TICAM1: variants seen among roughly 807,000 people sequenced by gnomAD.
The protein encoded by TICAM1 is TIR domain containing adaptor molecule 1.
For synonymous variants in TICAM1, 439 were observed against 415.4 expected (o/e 1.06, Z -0.69); for missense variants, 895 against 938.2 (o/e 0.95, Z 0.60).
intron 1 of TICAM1, among the ~76,000 whole-genome samples, chr19:4,829,805 C>CTTTTTTTT (rs539314470): frequency 1.3e-4 from 11 of 87,644 alleles, no homozygotes; most frequent in Admixed American, 3.1e-4. Context: ...AATTTCATTT[C>CTTTTTTTT]TTTTTTTTTT....
In TICAM1 at chr19:4,818,142, C is replaced by G; in HGVS notation, c.236G>C (p.Gly79Ala). Residue 79 changes from glycine to alanine, a missense_variant, in exon 2 of 2, where the codon GGC (glycine) becomes GCC (alanine). By Grantham distance (60) the Gly-to-Ala change is moderately conservative. Coordinates refer to ENST00000248244, the MANE Select transcript of TICAM1 (RefSeq NM_182919.4). The surrounding 1 kb of genome is among the most constrained non-coding windows in gnomAD (Gnocchi z 4.0). ...VARLVARQWA[G>A]VDSTEDPEEP... ...CTCTGGGTCCTCGGTGCTGTCCACG[C>G]CAGCCCACTGGCGGGCCACCAGCCG... The G allele has an allele frequency of 8.1e-6, 13 of 1,609,918 alleles. No individual in the cohort carries two copies. Among genetic ancestry groups the G allele is most frequent in the Non-Finnish European group, 1.1e-5 (13 of 1,179,752 alleles).
chr19:4,822,457 G>A (rs2093599323), intron 1 of TICAM1, among the ~76,000 whole-genome samples: 1 of 152,208 alleles, frequency 6.6e-6, no homozygotes, highest in African/African-American at 2.4e-5. Context: ...TGGCCAGGCT[G>A]GTCTCGAACT....
intron 1 of TICAM1, among the ~76,000 whole-genome samples, chr19:4,829,716 TATA>T (rs1426376198): frequency 9.2e-5 from 14 of 152,006 alleles, no homozygotes; most frequent in African/African-American, 3.1e-4. Context: ...AAGAGCTTGA[TATA>T]ATAATATTAG....
At chr19:4,824,980 G>C (rs2093603355) in intron 1 of TICAM1, among the ~76,000 whole-genome samples, 1 of 151,664 alleles carries the variant, frequency 6.6e-6, no homozygotes, top group Non-Finnish European at 1.5e-5. Context: ...GGGTGGTGGT[G>C]AGGAGGAGGG....
At chr19:4,827,391 A>G (rs1188335406) in intron 1 of TICAM1, among the ~76,000 whole-genome samples, 2 of 149,388 alleles carry the variant, frequency 1.3e-5, no homozygotes, top group African/African-American at 4.9e-5. Context: ...AAAAAAAAAA[A>G]AAAAAAAAAA....
At position 4,818,524 on chromosome 19, in the gene TICAM1, A is replaced by G; in HGVS notation, c.-139-8T>C. 1.4e-6 allele frequency: 2 copies of G among 1,411,932 alleles called. No individual in the cohort carries two copies. Among genetic ancestry groups the G allele is most frequent in the South Asian group, 3.3e-5 (2 of 59,842 alleles). The allele number at this position is 1,411,932 out of a possible 1,614,324, so 87.5% of individuals were successfully genotyped here. A position where few individuals can be genotyped will look rare whatever the true frequency, so the allele number is the denominator to read the frequency against. ...GGAGCTGCCCAAGCAGATCTGTAGG[A>G]AACAGGAGAAGCAAACACACTTACC... On this transcript the variant is annotated splice_region_variant and splice_polypyrimidine_tract_variant and intron_variant, in intron 1 of 1. Transcript: ENST00000248244. This position sits in a 1 kb window ranked among gnomAD's most constrained non-coding sequence, Gnocchi z 4.0.
chr19:4,818,412 C>A lies in TICAM1; in HGVS notation c.-35G>T. Reference sequence around the variant, plus strand: ...TGGGTGCAGCCTCCGGCAGCAGAAGCTGGAGGTGGTGAAGGCATGTTCCAC... The same window carrying A: ...TGGGTGCAGCCTCCGGCAGCAGAAGATGGAGGTGGTGAAGGCATGTTCCAC... On this transcript the variant is annotated 5_prime_UTR_variant, in exon 2 of 2. Transcript: ENST00000248244. This position sits in a 1 kb window ranked among gnomAD's most constrained non-coding sequence, Gnocchi z 4.0. The A allele has an allele frequency of 6.5e-7, 1 of 1,541,922 alleles. No homozygotes were observed. The highest frequency in any genetic ancestry group is 8.7e-7 in the Non-Finnish European group (1 of 1,145,646).
Position 4,818,602 on chromosome 19 carries a change from C to A in TICAM1, c.-139-86G>T. 1.1e-6 allele frequency: 1 copy of A among 873,440 alleles called. No individual in the cohort carries two copies. The highest frequency in any genetic ancestry group is 1.6e-6 in the Non-Finnish European group (1 of 618,576). 54.1% of individuals were successfully genotyped at this position (873,440 alleles called of 1,614,324 possible). A position where few individuals can be genotyped will look rare whatever the true frequency, so the allele number is the denominator to read the frequency against. The stretch of plus-strand genomic sequence containing the variant: ...GCCCACACACCCCCGCCTGCTTTCC[C>A]CGCCTGCCACCCAGACCTAGCCAGG... On this transcript the variant is annotated intron_variant, in intron 1 of 1. Transcript: ENST00000248244. This position sits in a 1 kb window ranked among gnomAD's most constrained non-coding sequence, Gnocchi z 4.0.
At position 4,816,188 on chromosome 19, in the gene TICAM1, C is replaced by G. The variant is rs185570882; in HGVS notation, c.*51G>C. The stretch of plus-strand genomic sequence containing the variant: ...CCGGGGTGCTCTATGGGGTCCTGGC[C>G]GATGCCTGGGTCCAGGGGTGTTCCC... On this transcript the variant is annotated 3_prime_UTR_variant, in exon 2 of 2. Coordinates refer to ENST00000248244, the MANE Select transcript of TICAM1 (RefSeq NM_182919.4). This position sits in a 1 kb window ranked among gnomAD's most constrained non-coding sequence, Gnocchi z 4.3. 4 of 1,465,716 alleles carry G rather than the reference C, an allele frequency of 2.7e-6. No individual in the cohort carries two copies. The highest frequency in any genetic ancestry group is 2.5e-4 in the Middle Eastern group (1 of 4,028). 90.8% of individuals were successfully genotyped at this position (1,465,716 alleles called of 1,614,324 possible). A position where few individuals can be genotyped will look rare whatever the true frequency, so the allele number is the denominator to read the frequency against.
chr19:4,827,411 G>T (rs2093607381), intron 1 of TICAM1, among the ~76,000 whole-genome samples: 1 of 122,414 alleles, frequency 8.2e-6, no homozygotes, highest in African/African-American at 3.2e-5. Context: ...AAAGAAAAAG[G>T]CCAGATGCCC....
At chr19:4,826,736 T>C (rs73919347) in intron 1 of TICAM1, among the ~76,000 whole-genome samples, 2,323 of 152,264 alleles carry the variant, frequency 0.015, 62 homozygotes, top group African/African-American at 0.053. Flanking sequence ...TACAGAGAAG[T>C]TGAGTAAGTA....
In TICAM1 at chr19:4,816,022, G is replaced by T; in HGVS notation, c.*217C>A. 1.9e-6 allele frequency: 1 copy of T among 534,632 alleles called. No homozygotes were observed. The highest frequency in any genetic ancestry group is 2.8e-6 in the Non-Finnish European group (1 of 351,788). The allele number at this position is 534,632 out of a possible 1,614,324, so 33.1% of individuals were successfully genotyped here. The stretch of plus-strand genomic sequence containing the variant: ...ACCCAGAAATAGAGAGATTGGAATT[G>T]TAAACACCGTATCCAGTTCTGACCA... On this transcript the variant is annotated 3_prime_UTR_variant, in exon 2 of 2. Transcript: ENST00000248244. The surrounding 1 kb of genome is among the most constrained non-coding windows in gnomAD (Gnocchi z 4.3).
At chr19:4,819,362 T>G (rs1409033710) in intron 1 of TICAM1, among the ~76,000 whole-genome samples, 2 of 151,940 alleles carry the variant, frequency 1.3e-5, no homozygotes, top group Non-Finnish European at 2.9e-5. Context: ...CATTTACAGA[T>G]GAAGAAAGCA....
chr19:4,830,462 T>C (rs994299928), intron 1 of TICAM1, among the ~76,000 whole-genome samples: 2 of 152,134 alleles, frequency 1.3e-5, no homozygotes, highest in African/African-American at 4.8e-5. Flanking sequence ...CAAGTGATCC[T>C]CCCACCTTGT....
At chr19:4,820,854 AG>A (rs2146173957) in intron 1 of TICAM1, among the ~76,000 whole-genome samples, 1 of 152,086 alleles carries the variant, frequency 6.6e-6, no homozygotes, top group African/African-American at 2.4e-5. Flanking sequence ...ACTGCACTCC[AG>A]CCTGGGCAAA....
rs749407181 is a variant in TICAM1, at chr19:4,817,193, A to G, written c.1185T>C (p.Tyr395=). ...SLESSSEQKF[Y]NFVILHARAD... ...CCCTGGCGTGGAGGATCACAAAGTT[A>G]TAGAATTTCTGTTCCGATGATGATT... is the stretch of plus-strand genomic sequence containing the variant. The change falls in exon 2 of 2, where the codon TAT becomes TAC. Residue 395 remains tyrosine, a synonymous_variant. Transcript: ENST00000248244. The surrounding 1 kb of genome is among the most constrained non-coding windows in gnomAD (Gnocchi z 4.7). The G allele has an allele frequency of 6.2e-7, 1 of 1,613,954 alleles. No individual in the cohort carries two copies. The highest frequency in any genetic ancestry group is 1.7e-5 in the Admixed American group (1 of 59,982).
Position 4,816,450 on chromosome 19 carries a change from G to C in TICAM1, c.1928C>G (p.Pro643Arg), listed in dbSNP as rs763771528. ...LHAWQAGTPP[P>R]PSPQPAAFPQ... Reference sequence around the variant, plus strand: ...AAAGGCTGCTGGCTGTGGGGAGGGCGGTGGGGGGGTGCCAGCCTGCCATGC... The same window carrying C: ...AAAGGCTGCTGGCTGTGGGGAGGGCCGTGGGGGGGTGCCAGCCTGCCATGC... Residue 643 changes from proline (P) to arginine (R), a missense_variant, in exon 2 of 2, where the codon CCG becomes CGG. Physicochemically the swap from Pro to Arg is moderately radical, Grantham distance 103 (BLOSUM62 -2). Coordinates refer to ENST00000248244, the MANE Select transcript of TICAM1 (RefSeq NM_182919.4). The surrounding 1 kb of genome is among the most constrained non-coding windows in gnomAD (Gnocchi z 4.3). 6 of 1,554,438 alleles carry C rather than the reference G, an allele frequency of 3.9e-6. No homozygotes were observed. The highest frequency in any genetic ancestry group is 3.9e-5 in the Admixed American group (2 of 51,870).
At chr19:4,820,101 T>C (rs1441149655) in intron 1 of TICAM1, among the ~76,000 whole-genome samples, 1 of 151,998 alleles carries the variant, frequency 6.6e-6, no homozygotes, top group Non-Finnish European at 1.5e-5. Context: ...TCAATTCCAA[T>C]ATTTTTAAGA....
intron 1 of TICAM1, among the ~76,000 whole-genome samples, chr19:4,830,630 TC>T (rs1382571008): frequency 6.6e-6 from 1 of 152,142 alleles, no homozygotes; most frequent in Non-Finnish European, 1.5e-5. Flanking sequence ...CTCACAGAGC[TC>T]CCAGTCTGGT....
Sources: allele counts gnomAD v4.1 joint callset (sites outside exome capture counted in the v4.1 genomes callset), GRCh38; gene constraint gnomAD v4.1.1; non-coding constraint Gnocchi (gnomAD v3.1); transcripts MANE v1.5; gene names NCBI Gene and HGNC (gene_info 2026-07-23, HGNC 2026-07-21).